DNM1: variants seen among roughly 807,000 people sequenced by gnomAD.
DNM1 encodes dynamin-1.
In DNM1, 29 loss-of-function variants were observed where a neutral mutation model predicts 104.6. The observed-to-expected ratio is 0.28, with a 90% CI of 0.21 to 0.38. DNM1 has a LOEUF of 0.38. Among genes scored for constraint, DNM1 ranks in the 10% least tolerant of loss-of-function variants. The probability of loss-of-function intolerance (pLI) is 1.00; values close to 1 mark genes in which losing one functional copy is unlikely to be tolerated. For synonymous variants in DNM1, 445 were observed against 475.8 expected, an observed-to-expected ratio of 0.94 and a Z score of 0.84; for missense variants, 640 against 1,189.4, an observed-to-expected ratio of 0.54 and a Z score of 6.79.
At chr9:128,238,424 A>G (rs1359544784) in intron 11 of DNM1, among the ~76,000 whole-genome samples, 2 of 151,838 alleles carry the variant, frequency 1.3e-5, no homozygotes, top group South Asian at 2.1e-4. Context: ...GGATTTCTCC[A>G]TGTTGGTCAG....
At chr9:128,225,998 G>T in intron 10 of DNM1, 1 of 1,607,178 alleles carries the variant, frequency 6.2e-7, no homozygotes, top group Middle Eastern at 1.7e-4. Flanking sequence ...ACCCACGGCT[G>T]CTCCTCCTCC....
intron 15 of DNM1, chr9:128,244,814 G>A: frequency 1.9e-6 from 1 of 533,852 alleles, no homozygotes; most frequent in South Asian, 1.4e-5. Context: ...GGTAGACGGA[G>A]TGGAGGTGTC....
chr9:128,248,796 T>C lies in DNM1; in HGVS notation c.2076+43T>C, dbSNP rs371181555. The C allele has an allele frequency of 6.3e-7, 1 of 1,592,434 alleles. No individual in the cohort carries two copies. Among genetic ancestry groups the C allele is most frequent in the Non-Finnish European group, 8.6e-7 (1 of 1,164,024 alleles). ...TGGGGGCAGGGAAATCCTGTGGCAC[T>C]GGGGATGCAGGTGGCCATGTTGGCC... is the stretch of plus-strand genomic sequence containing the variant. On this transcript the variant is annotated intron_variant, in intron 19 of 21. Coordinates refer to ENST00000372923, the MANE Select transcript of DNM1 (RefSeq NM_004408.4). This position sits in a 1 kb window ranked among gnomAD's most constrained non-coding sequence, Gnocchi z 5.6.
chr9:128,225,894 G>A, intron 10 of DNM1: 2 of 726,418 alleles, frequency 2.8e-6, no homozygotes, highest in Non-Finnish European at 4.7e-6. Context: ...CTCTTTATCT[G>A]TGTCGATGTC....
intron 10 of DNM1, among the ~76,000 whole-genome samples, chr9:128,225,713 G>A (rs1358302987): frequency 2.6e-5 from 4 of 152,096 alleles, no homozygotes; most frequent in Non-Finnish European, 4.4e-5. Context: ...GCATCCCTGG[G>A]AAGAGGATCT....
At chr9:128,246,177 C>T (rs1016397087) in intron 15 of DNM1, among the ~76,000 whole-genome samples, 1 of 152,148 alleles carries the variant, frequency 6.6e-6, no homozygotes, top group Non-Finnish European at 1.5e-5. Context: ...CCCCCTGGCC[C>T]CCGGCATATA....
In DNM1 at chr9:128,221,793, T is replaced by C. The variant is rs550025903; in HGVS notation, c.850-404T>C. ...CTGTAGTCCCAGTTACTTGGGAGGC[T>C]GAGGCAGGAGAATTGCTTGAAACTG... On this transcript the variant is annotated intron_variant, in intron 6 of 21. Transcript: ENST00000372923. 3.9e-3 allele frequency among the ~76,000 whole-genome samples: 598 copies of C among 152,220 alleles called. 4 individuals carry two copies. Among genetic ancestry groups the C allele is most frequent in the Non-Finnish European group, 7.1e-3 (481 of 68,012 alleles).
At chr9:128,214,822 G>A (rs1403551137) in intron 1 of DNM1, among the ~76,000 whole-genome samples, 1 of 152,242 alleles carries the variant, frequency 6.6e-6, no homozygotes, top group Non-Finnish European at 1.5e-5. Flanking sequence ...CGCGGCCTCC[G>A]AGGCTGGTGG....
chr9:128,250,703 C>T, intron 20 of DNM1, 22 bp from the exon 21 acceptor site: 1 of 1,457,136 alleles, frequency 6.9e-7, no homozygotes, highest in Non-Finnish European at 9.0e-7. Context: ...TCTCCTTGTT[C>T]CTCGCTCCCT....
chr9:128,231,942 C>G (rs1194789994), intron 10 of DNM1: 1 of 453,208 alleles, frequency 2.2e-6, no homozygotes, highest in African/African-American at 2.0e-5. Context: ...AGGCTGATCG[C>G]CCCCTCAGCC....
chr9:128,227,673 C>T (rs1162956849), intron 10 of DNM1, among the ~76,000 whole-genome samples: 9 of 152,156 alleles, frequency 5.9e-5, no homozygotes, highest in African/African-American at 1.9e-4. Flanking sequence ...TGAGCCACCA[C>T]GCTCAGCCAG....
rs1438407729 is a variant in DNM1 at position 128,246,393 on chromosome 9, G to A, written c.1672-1G>A. On this transcript the variant is annotated splice_acceptor_variant, in intron 15 of 21. Coordinates refer to ENST00000372923, the MANE Select transcript of DNM1 (RefSeq NM_004408.4). LOFTEE classifies it high-confidence loss of function. ...CCCATTGCTCCTACCTGCACCCACAGGAGAAAGAGAAGAAATACATGCTGT... is the reference window on the plus strand; with the variant it reads ...CCCATTGCTCCTACCTGCACCCACAAGAGAAAGAGAAGAAATACATGCTGT... 2 of 1,612,376 alleles carry A rather than the reference G, an allele frequency of 1.2e-6. No individual in the cohort carries two copies. The highest frequency in any genetic ancestry group is 1.7e-6 in the Non-Finnish European group (2 of 1,178,524).
chr9:128,210,608 C>T (rs1014324200), intron 1 of DNM1, among the ~76,000 whole-genome samples: 1 of 152,122 alleles, frequency 6.6e-6, no homozygotes, highest in Non-Finnish European at 1.5e-5. Context: ...GGTGATCTGC[C>T]CGCCTTGGCC....
intron 21 of DNM1, chr9:128,251,296 A>C: frequency 2.3e-6 from 1 of 427,416 alleles, no homozygotes; most frequent in East Asian, 6.8e-5. Context: ...TCCATCCTCC[A>C]TTCCGTCCAA....
chr9:128,225,345 A>G (rs752307672), intron 10 of DNM1, among the ~76,000 whole-genome samples: 2 of 152,248 alleles, frequency 1.3e-5, no homozygotes, highest in East Asian at 3.9e-4. Context: ...CCCCTTGAAG[A>G]GAAAGGGAGG....
At position 128,245,611 on chromosome 9, in the gene DNM1, T is replaced by C. The variant is rs1836749207; in HGVS notation, c.1672-783T>C. ...CTCCTCCCAGACAGCTCTAGATAAA[T>C]CAAACACACAGCCCATTGTACCACG... On this transcript the variant is annotated intron_variant, in intron 15 of 21. Coordinates refer to ENST00000372923, the MANE Select transcript of DNM1 (RefSeq NM_004408.4). This position sits in a 1 kb window ranked among gnomAD's most constrained non-coding sequence, Gnocchi z 5.2. Among the ~76,000 whole-genome samples the C allele has an allele frequency of 6.6e-6, 1 of 151,972 alleles. No individual in the cohort carries two copies. The highest frequency in any genetic ancestry group is 1.5e-5 in the Non-Finnish European group (1 of 67,998).
In DNM1 at chr9:128,247,531, G is replaced by GC; in HGVS notation, c.1893+49dup. The GC allele has an allele frequency of 7.0e-7, 1 of 1,437,476 alleles. No homozygotes were observed. Among genetic ancestry groups the GC allele is most frequent in the Non-Finnish European group, 9.7e-7 (1 of 1,031,474 alleles). 89.0% of individuals were successfully genotyped at this position (1,437,476 alleles called of 1,614,324 possible). A position where few individuals can be genotyped will look rare whatever the true frequency, so the allele number is the denominator to read the frequency against. ...GAGGAAGGGCAAGCATGATCCTAGG[G>GC]CCCCTGGGGCACCATCCTCAGTGAT... On this transcript the variant is annotated intron_variant, in intron 17 of 21. Coordinates refer to ENST00000372923, the MANE Select transcript of DNM1 (RefSeq NM_004408.4). This position sits in a 1 kb window ranked among gnomAD's most constrained non-coding sequence, Gnocchi z 5.1.
In DNM1 at chr9:128,224,106, A is replaced by G; in HGVS notation, c.1197-145A>G. The stretch of plus-strand genomic sequence containing the variant: ...CATTAGAACCCCTCCCTCCCATTTT[A>G]CAACTGGGGACACTGAGGCCCAGAG... On this transcript the variant is annotated intron_variant, in intron 9 of 21. Coordinates refer to ENST00000372923, the MANE Select transcript of DNM1 (RefSeq NM_004408.4). The surrounding 1 kb of genome is among the most constrained non-coding windows in gnomAD (Gnocchi z 4.3). 9.9e-7 allele frequency: 1 copy of G among 1,013,034 alleles called. No homozygotes were observed. The highest frequency in any genetic ancestry group is 1.4e-6 in the Non-Finnish European group (1 of 722,434). The allele number at this position is 1,013,034 out of a possible 1,614,324, so 62.8% of individuals were successfully genotyped here. A position where few individuals can be genotyped will look rare whatever the true frequency, so the allele number is the denominator to read the frequency against.
Position 128,221,063 on chromosome 9 carries a change from T to TTCTTTCTCTCTTTCTC in DNM1, c.849+738_849+753dup, listed in dbSNP as rs752035964. On this transcript the variant is annotated intron_variant, in intron 6 of 21. Transcript: ENST00000372923. ...TCTCTTTCTTTCTCTCTTTCTCTCT[T>TTCTTTCTCTCTTTCTC]TCTTTCTCTCTTTCTCTCTTTCTCT... 1.0e-3 allele frequency: 135 copies of TTCTTTCTCTCTTTCTC among 132,402 alleles called. 1 individual carries two copies. Among genetic ancestry groups the TTCTTTCTCTCTTTCTC allele is most frequent in the African/African-American group, 3.5e-3 (130 of 37,648 alleles). The allele number at this position is 132,402 out of a possible 1,614,324, so 8.2% of individuals were successfully genotyped here. A position where few individuals can be genotyped will look rare whatever the true frequency, so the allele number is the denominator to read the frequency against.
Sources: allele counts gnomAD v4.1 joint callset (sites outside exome capture counted in the v4.1 genomes callset), GRCh38; gene constraint gnomAD v4.1.1; non-coding constraint Gnocchi (gnomAD v3.1); transcripts MANE v1.5; gene names NCBI Gene and HGNC (gene_info 2026-07-23, HGNC 2026-07-21).